ADGRL3: variants seen among roughly 807,000 people sequenced by gnomAD.
The protein encoded by ADGRL3 is adhesion G protein-coupled receptor L3, also known as calcium-independent alpha-latrotoxin receptor 3.
In ADGRL3, 62 loss-of-function variants were observed where a neutral mutation model predicts 153.5. The ratio of observed to expected loss-of-function variants is 0.40; its 90% CI spans 0.33 to 0.50. The LOEUF (loss-of-function observed/expected upper bound fraction) is 0.50. Ranked by LOEUF, ADGRL3 falls within the 20% of genes least tolerant of loss-of-function variation. The probability of loss-of-function intolerance (pLI) is 0.47; values close to 1 mark genes in which losing one functional copy is unlikely to be tolerated. For missense variants in ADGRL3, 1,641 were observed against 1,859.4 expected (o/e 0.88, Z 2.16); for synonymous variants, 710 against 672.5 (o/e 1.06, Z -0.86).
intron 5 of ADGRL3, among the ~76,000 whole-genome samples, chr4:61,603,936 C>T (rs1005627322): frequency 2.0e-5 from 3 of 152,132 alleles, no homozygotes; most frequent in Admixed American, 6.6e-5. Context: ...AAAATCAATA[C>T]CTCAGTATTC....
chr4:61,633,931 A>T (rs907810770), intron 5 of ADGRL3, among the ~76,000 whole-genome samples: 2 of 147,476 alleles, frequency 1.4e-5, no homozygotes, highest in Admixed American at 6.8e-5. Context: ...CGTTAGAGAA[A>T]GTCAATTGGA....
chr4:61,958,419 T>C (rs980157857), intron 17 of ADGRL3, among the ~76,000 whole-genome samples: 16 of 146,370 alleles, frequency 1.1e-4, no homozygotes, highest in African/African-American at 3.7e-4. Context: ...CTTTCTTTCT[T>C]TCTTTATTAG....
At chr4:61,606,130 A>T (rs1038091936) in intron 5 of ADGRL3, among the ~76,000 whole-genome samples, 1 of 152,164 alleles carries the variant, frequency 6.6e-6, no homozygotes, top group Non-Finnish European at 1.5e-5. Context: ...TGTACATAAA[A>T]AAAAAGGGGT....
intron 1 of ADGRL3, among the ~76,000 whole-genome samples, chr4:61,332,481 A>G (rs2095592915): frequency 6.6e-6 from 1 of 152,102 alleles, no homozygotes; most frequent in Non-Finnish European, 1.5e-5. Context: ...AAAGGCTTAT[A>G]ACGCCTGAGG....
chr4:61,584,906 G>A (rs1425244681), intron 4 of ADGRL3, among the ~76,000 whole-genome samples: 1 of 151,774 alleles, frequency 6.6e-6, no homozygotes, highest in South Asian at 2.1e-4. Flanking sequence ...TCTCAGTATT[G>A]AAAAGGACTT....
At chr4:61,704,961 G>T (rs1220307927) in intron 6 of ADGRL3, among the ~76,000 whole-genome samples, 3 of 152,096 alleles carry the variant, frequency 2.0e-5, no homozygotes, top group Non-Finnish European at 2.9e-5. Context: ...CACAATATCT[G>T]CACTGACTTC....
At chr4:61,432,650 CTTTCT>C (rs2097383954) in intron 2 of ADGRL3, among the ~76,000 whole-genome samples, 19 of 38,880 alleles carry the variant, frequency 4.9e-4, no homozygotes, top group African/African-American at 2.1e-3. Context: ...TTCTTTCTTT[CTTTCT>C]TTTTTTTTTT....
intron 1 of ADGRL3, among the ~76,000 whole-genome samples, chr4:61,298,893 ATAACT>A (rs1560444529): frequency 6.6e-6 from 1 of 152,208 alleles, no homozygotes; most frequent in African/African-American, 2.4e-5. Context: ...AGAGGCTACG[ATAACT>A]TAATCAAATG....
intron 6 of ADGRL3, among the ~76,000 whole-genome samples, chr4:61,704,920 C>A (rs554767445): frequency 6.6e-6 from 1 of 152,208 alleles, no homozygotes; most frequent in South Asian, 2.1e-4. Flanking sequence ...TCTTCAGACT[C>A]CATTTTTAAT....
intron 1 of ADGRL3, among the ~76,000 whole-genome samples, chr4:61,288,435 G>C (rs987932383): frequency 1.3e-5 from 2 of 151,924 alleles, no homozygotes; most frequent in African/African-American, 2.4e-5. Context: ...TTTCGCTGCT[G>C]TTTTTTAAAA....
At chr4:61,731,406 A>G (rs747079032) in intron 7 of ADGRL3, among the ~76,000 whole-genome samples, 9 of 152,104 alleles carry the variant, frequency 5.9e-5, no homozygotes, top group Admixed American at 2.0e-4. Flanking sequence ...ATCATTAAAA[A>G]AGGGTCAATA....
intron 2 of ADGRL3, among the ~76,000 whole-genome samples, chr4:61,428,405 C>T (rs540625156): frequency 3.5e-4 from 54 of 152,314 alleles, no homozygotes; most frequent in Non-Finnish European, 5.7e-4. Context: ...CTACTCTTGA[C>T]TGCTGCACAG....
chr4:61,622,087 G>A (rs1419446999), intron 5 of ADGRL3, among the ~76,000 whole-genome samples: 1 of 152,012 alleles, frequency 6.6e-6, no homozygotes, highest in Non-Finnish European at 1.5e-5. Context: ...CCAAGTTAGA[G>A]GCATGTGTAC....
intron 5 of ADGRL3, among the ~76,000 whole-genome samples, chr4:61,630,169 T>G (rs2093074609): frequency 6.6e-6 from 1 of 152,316 alleles, no homozygotes; most frequent in African/African-American, 2.4e-5. Flanking sequence ...CCCAGTTTTC[T>G]GAACTGAATT....
chr4:61,906,192 T>C (rs970834167), intron 11 of ADGRL3: 2 of 151,790 alleles, frequency 1.3e-5, no homozygotes, highest in Non-Finnish European at 2.9e-5. Context: ...TTTATTAGCA[T>C]ATATATGTAA....
At chr4:61,956,079 A>G (rs2098965141) in intron 17 of ADGRL3, among the ~76,000 whole-genome samples, 1 of 152,124 alleles carries the variant, frequency 6.6e-6, no homozygotes, top group Non-Finnish European at 1.5e-5. Context: ...GTCAAATAGT[A>G]TTTCTGGTTC....
chr4:61,982,719 C>T (rs1190932103), intron 18 of ADGRL3, among the ~76,000 whole-genome samples: 2 of 151,956 alleles, frequency 1.3e-5, no homozygotes, highest in East Asian at 3.9e-4. Flanking sequence ...ATATTTAGTA[C>T]AATAACAAAA....
At chr4:61,725,843 C>G (rs554907496) in intron 6 of ADGRL3, among the ~76,000 whole-genome samples, 342 of 152,174 alleles carry the variant, frequency 2.2e-3, no homozygotes, top group Non-Finnish European at 1.7e-3. Flanking sequence ...ATTAGACAAA[C>G]GGCAGGACTC....
chr4:61,933,561 A>G lies in ADGRL3; in HGVS notation c.2113-1279A>G, dbSNP rs548419392. Reference sequence around the variant, plus strand: ...AAGCATGCAAGTTGTGAGTAGGATTATTTTACTTAAAAGTACAGTGATGTT... The same window carrying G: ...AAGCATGCAAGTTGTGAGTAGGATTGTTTTACTTAAAAGTACAGTGATGTT... On this transcript the variant is annotated intron_variant, in intron 13 of 26. Coordinates refer to ENST00000683033, the MANE Select transcript of ADGRL3 (RefSeq NM_001387552.1). Among the ~76,000 whole-genome samples, 66 of 152,296 alleles carry G rather than the reference A, an allele frequency of 4.3e-4. 2 individuals carry two copies. Among genetic ancestry groups the G allele is most frequent in the African/African-American group, 1.5e-3 (63 of 41,564 alleles).
Sources: gnomAD v4.1 joint callset for allele counts (sites outside exome capture counted in the v4.1 genomes callset) on GRCh38, gnomAD v4.1.1 for gene constraint, MANE v1.5 for transcripts, NCBI Gene and HGNC (gene_info 2026-07-23, HGNC 2026-07-21) for gene names.